MTMR3: variants seen among roughly 807,000 people sequenced by gnomAD.
MTMR3 encodes phosphatidylinositol-3,5-bisphosphate 3-phosphatase MTMR3.
In MTMR3, 32 loss-of-function variants were observed where a neutral mutation model predicts 132.4. The observed-to-expected ratio is 0.24, with a 90% CI of 0.18 to 0.32. The LOEUF (loss-of-function observed/expected upper bound fraction) is 0.32. Among genes scored for constraint, MTMR3 ranks in the 10% least tolerant of loss-of-function variants. The pLI, the probability that MTMR3 is intolerant of heterozygous loss-of-function variation, is 1.00. For missense variants in MTMR3, 1,216 were observed against 1,489.6 expected (o/e 0.82, Z 3.02); for synonymous variants, 556 against 550.3 (o/e 1.01, Z -0.14).
At chr22:29,925,795 G>A (rs573498555) in intron 1 of MTMR3, among the ~76,000 whole-genome samples, 38 of 152,144 alleles carry the variant, frequency 2.5e-4, no homozygotes, top group African/African-American at 8.7e-4. Context: ...GGCACCTGTG[G>A]TCCCAGCTGT....
intron 1 of MTMR3, among the ~76,000 whole-genome samples, chr22:29,949,095 T>TAA: frequency 1.0e-5 from 1 of 96,178 alleles, no homozygotes; most frequent in East Asian, 3.7e-4. Context: ...GGCCCTGTCT[T>TAA]AAAACACACA....
At chr22:29,992,547 T>A (rs187563005) in intron 7 of MTMR3, 1 of 152,386 alleles carries the variant, frequency 6.6e-6, no homozygotes, top group Admixed American at 6.5e-5. Context: ...TTGTAAACTT[T>A]ATGTGGTCAT....
At chr22:29,945,576 A>AT (rs1170938936) in intron 1 of MTMR3, among the ~76,000 whole-genome samples, 1 of 151,808 alleles carries the variant, frequency 6.6e-6, no homozygotes, top group Non-Finnish European at 1.5e-5. Flanking sequence ...ATGGTGGTAT[A>AT]TGTCTGTGGT....
intron 1 of MTMR3, among the ~76,000 whole-genome samples, chr22:29,897,708 C>G (rs1476274626): frequency 5.3e-5 from 8 of 152,120 alleles, no homozygotes; most frequent in East Asian, 3.8e-4. Flanking sequence ...TCTTGGCCCC[C>G]CAAAGGGCTG....
intron 1 of MTMR3, among the ~76,000 whole-genome samples, chr22:29,927,915 G>T (rs544664359): frequency 6.8e-6 from 1 of 145,994 alleles, no homozygotes; most frequent in South Asian, 2.2e-4. Flanking sequence ...ATATTAAAAT[G>T]TAATGCTAAA....
intron 2 of MTMR3, among the ~76,000 whole-genome samples, chr22:29,967,786 T>C (rs1476138807): frequency 6.6e-6 from 1 of 152,134 alleles, no homozygotes; most frequent in African/African-American, 2.4e-5. Context: ...GGACATCTCA[T>C]ACAAATGGAA....
intron 15 of MTMR3, chr22:30,017,062 A>G: frequency 1.1e-5 from 2 of 188,408 alleles, no homozygotes; most frequent in Non-Finnish European, 2.2e-5. Context: ...AGCTGCCACC[A>G]GGCCCCCAGC....
chr22:29,952,313 T>C (rs985743143), intron 1 of MTMR3, among the ~76,000 whole-genome samples: 9 of 152,118 alleles, frequency 5.9e-5, no homozygotes, highest in African/African-American at 2.2e-4. Context: ...TAATGCAGTA[T>C]GCTGATCATG....
rs2067730771 is a variant in MTMR3 at position 30,020,963 on chromosome 22, A to G, written c.3225+79A>G. 18 of 1,350,804 alleles carry G rather than the reference A, an allele frequency of 1.3e-5. No homozygotes were observed. Among genetic ancestry groups the G allele is most frequent in the Non-Finnish European group, 1.6e-5 (16 of 990,846 alleles). The allele number at this position is 1,350,804 out of a possible 1,614,324, so 83.7% of individuals were successfully genotyped here. A position where few individuals can be genotyped will look rare whatever the true frequency, so the allele number is the denominator to read the frequency against. On this transcript the variant is annotated intron_variant, in intron 17 of 19. Transcript: ENST00000401950. ...GCTGGGTGCCCTTTGTGCCCAGTGC[A>G]TGGTGATTGGTACAGGTTGTTAAAG...
intron 1 of MTMR3, among the ~76,000 whole-genome samples, chr22:29,891,209 C>T (rs759088988): frequency 9.2e-5 from 14 of 151,556 alleles, no homozygotes; most frequent in Non-Finnish European, 1.8e-4. Context: ...TTATAAAATA[C>T]GAACAAAAAA....
At position 29,978,500 on chromosome 22, in the gene MTMR3, A is replaced by G. The variant is rs777528984; in HGVS notation, c.62A>G (p.Lys21Arg). 6.2e-7 allele frequency: 1 copy of G among 1,613,788 alleles called. No individual in the cohort carries two copies. The highest frequency in any genetic ancestry group is 8.5e-7 in the Non-Finnish European group (1 of 1,179,756). ...CIQANQIFPR[K>R]QLIREDENLQ... ...CAGGCCAATCAGATCTTTCCCAGGAAGCAGCTGATCCGGGAGGATGAGAAT... is the reference window on the plus strand; with the variant it reads ...CAGGCCAATCAGATCTTTCCCAGGAGGCAGCTGATCCGGGAGGATGAGAAT... Residue 21 changes from lysine to arginine, a missense_variant, in exon 4 of 20, where the codon AAG (lysine) becomes AGG (arginine). By Grantham distance (26) the Lys-to-Arg change is conservative. Coordinates refer to ENST00000401950, the MANE Select transcript of MTMR3 (RefSeq NM_021090.4).
intron 1 of MTMR3, among the ~76,000 whole-genome samples, chr22:29,922,384 A>G (rs2065434810): frequency 6.6e-6 from 1 of 152,108 alleles, no homozygotes; most frequent in South Asian, 2.1e-4. Context: ...TTGTTTATCC[A>G]TTTATCTGTT....
chr22:29,957,755 A>G (rs1219031041), intron 2 of MTMR3, among the ~76,000 whole-genome samples: 1 of 152,168 alleles, frequency 6.6e-6, no homozygotes, highest in Non-Finnish European at 1.5e-5. Flanking sequence ...ACCTCTTATT[A>G]CTAGAGTTAG....
Position 29,971,096 on chromosome 22 carries a change from C to A in MTMR3, c.3+34C>A, listed in dbSNP as rs772792380. The A allele has an allele frequency of 6.7e-4, 1,030 of 1,541,272 alleles. 6 individuals carry two copies. The African/African-American group carries it at 0.013, about 19-fold the overall frequency. ...AAGGAAATAAGAGTAAAAAAAAAAACAAAAAACCCTGTGTCCTGACAATTA... is the reference window on the plus strand; with the variant it reads ...AAGGAAATAAGAGTAAAAAAAAAAAAAAAAAACCCTGTGTCCTGACAATTA... On this transcript the variant is annotated intron_variant, in intron 3 of 19. Coordinates refer to ENST00000401950, the MANE Select transcript of MTMR3 (RefSeq NM_021090.4).
At chr22:30,014,502 C>CTTTTTTTTTTTTTTTTTTTTTT (rs56934428) in intron 14 of MTMR3, 1 of 78,814 alleles carries the variant, frequency 1.3e-5, no homozygotes, top group Non-Finnish European at 2.5e-5. Context: ...CCCTCCAGTT[C>CTTTTTTTTTTTTTTTTTTTTTT]TTTTTTTTTT....
chr22:29,963,273 G>A (rs1427921192), intron 2 of MTMR3, among the ~76,000 whole-genome samples: 1 of 151,822 alleles, frequency 6.6e-6, no homozygotes, highest in African/African-American at 2.4e-5. Flanking sequence ...TGTAGAGGTG[G>A]GGTTTCACCA....
chr22:29,902,085 T>C (rs1175049914), intron 1 of MTMR3, among the ~76,000 whole-genome samples: 1 of 152,190 alleles, frequency 6.6e-6, no homozygotes, highest in African/African-American at 2.4e-5. Flanking sequence ...CCTAGAACTT[T>C]TATAACTTTA....
In MTMR3 at chr22:30,007,240, A is replaced by G; in HGVS notation, c.798A>G (p.Arg266=). ...CCAAAGCTTGTGCCTCTGACTCCCG[A>G]TCGAGTGGCAGCAAGCTGTCAACTA... ...SVAKACASDS[R]SSGSKLSTRN... The change falls in exon 10 of 20, where the codon CGA becomes CGG. Residue 266 remains arginine (R), a synonymous_variant. Transcript: ENST00000401950. 1 of 1,614,182 alleles carries G rather than the reference A, an allele frequency of 6.2e-7. No homozygotes were observed. Among genetic ancestry groups the G allele is most frequent in the Non-Finnish European group, 8.5e-7 (1 of 1,180,020 alleles).
intron 7 of MTMR3, chr22:29,995,817 G>A (rs2067049516): frequency 6.6e-6 from 1 of 152,160 alleles, no homozygotes; most frequent in African/African-American, 2.4e-5. Context: ...AAACGTGAGT[G>A]AACATCTCAC....
Sources: gnomAD v4.1 joint callset for allele counts (sites outside exome capture counted in the v4.1 genomes callset) on GRCh38, gnomAD v4.1.1 for gene constraint, MANE v1.5 for transcripts, NCBI Gene and HGNC (gene_info 2026-07-23, HGNC 2026-07-21) for gene names.